RABGAP1L: variants seen among roughly 807,000 people sequenced by gnomAD.
RABGAP1L encodes RAB GTPase activating protein 1 like.
A neutral mutation model predicts 137.7 loss-of-function variants in RABGAP1L; 63 were observed. The observed-to-expected ratio is 0.46, with a 90% CI of 0.37 to 0.56. The LOEUF is 0.56. RABGAP1L is among the 20% of genes least tolerant of loss of function. The pLI, the probability that RABGAP1L is intolerant of heterozygous loss-of-function variation, is 0.00. For synonymous variants in RABGAP1L, 431 were observed against 433.7 expected (o/e 0.99, Z 0.08); for missense variants, 1,095 against 1,244.0 (o/e 0.88, Z 1.80).
At chr1:174,348,453 T>C (rs552814463) in intron 11 of RABGAP1L, among the ~76,000 whole-genome samples, 1 of 150,076 alleles carries the variant, frequency 6.7e-6, no homozygotes, top group African/African-American at 2.4e-5. Flanking sequence ...TATTTATTTA[T>C]TTATTTTTTT....
At chr1:174,517,168 A>G (rs990076396) in intron 13 of RABGAP1L, among the ~76,000 whole-genome samples, 1 of 152,108 alleles carries the variant, frequency 6.6e-6, no homozygotes, top group Non-Finnish European at 1.5e-5. Flanking sequence ...GATTATTAGC[A>G]TGAATGAGAT....
intron 13 of RABGAP1L, among the ~76,000 whole-genome samples, chr1:174,508,046 A>G (rs1225911105): frequency 6.6e-6 from 1 of 152,168 alleles, no homozygotes; most frequent in Non-Finnish European, 1.5e-5. Context: ...AAGTGAATAA[A>G]AAATTATATG....
intron 13 of RABGAP1L, among the ~76,000 whole-genome samples, chr1:174,510,113 C>T (rs1031001497): frequency 3.3e-5 from 5 of 152,202 alleles, no homozygotes; most frequent in African/African-American, 1.2e-4. Flanking sequence ...CCTTCGCTGC[C>T]TCTTAATCTA....
chr1:174,550,999 C>CACAT lies in RABGAP1L; in HGVS notation c.1711-86375_1711-86374insCATA, dbSNP rs1349225848. Among the ~76,000 whole-genome samples, 347 of 86,340 alleles carry CACAT rather than the reference C, an allele frequency of 4.0e-3. 28 individuals carry two copies. The highest frequency in any genetic ancestry group is 0.023 in the African/African-American group (283 of 12,052). 56.6% of individuals were successfully genotyped at this position (86,340 alleles called of 152,430 possible). A position where few individuals can be genotyped will look rare whatever the true frequency, so the allele number is the denominator to read the frequency against. On this transcript the variant is annotated intron_variant, in intron 13 of 25. Transcript: ENST00000681986. ...GTATATATACATATATATATATACA[C>CACAT]ATATATATATATATATATATATACA...
At chr1:174,260,879 G>T (rs1031255164) in intron 7 of RABGAP1L, among the ~76,000 whole-genome samples, 4 of 151,382 alleles carry the variant, frequency 2.6e-5, no homozygotes, top group African/African-American at 9.7e-5. Flanking sequence ...TTCAGTCTTT[G>T]CCATTAGTGC....
At chr1:174,517,061 C>A (rs897537168) in intron 13 of RABGAP1L, among the ~76,000 whole-genome samples, 2 of 151,876 alleles carry the variant, frequency 1.3e-5, no homozygotes, top group Non-Finnish European at 2.9e-5. Context: ...TGGAGCTCAT[C>A]AATTATTCCA....
At chr1:174,769,707 G>GC (rs1212668549) in intron 18 of RABGAP1L, among the ~76,000 whole-genome samples, 1 of 152,156 alleles carries the variant, frequency 6.6e-6, no homozygotes, top group African/African-American at 2.4e-5. Context: ...CAAGAAGTTA[G>GC]CCGGGCATGG....
At chr1:174,555,719 G>A (rs1047810910) in intron 13 of RABGAP1L, among the ~76,000 whole-genome samples, 1 of 152,116 alleles carries the variant, frequency 6.6e-6, no homozygotes, top group Non-Finnish European at 1.5e-5. Context: ...TAGTCTCAAA[G>A]GTGATGGAAT....
At chr1:174,365,276 A>G (rs1452630460) in intron 11 of RABGAP1L, 1 of 152,154 alleles carries the variant, frequency 6.6e-6, no homozygotes, top group Admixed American at 6.5e-5. Context: ...AACTTTCTTT[A>G]CATTCTCTTG....
intron 13 of RABGAP1L, among the ~76,000 whole-genome samples, chr1:174,626,362 G>C (rs950964996): frequency 7.9e-5 from 12 of 152,154 alleles, no homozygotes; most frequent in African/African-American, 2.9e-4. Context: ...ATTTTCCACT[G>C]GAATCCCAGC....
intron 13 of RABGAP1L, among the ~76,000 whole-genome samples, chr1:174,445,839 CA>C (rs2149243923): frequency 6.6e-6 from 1 of 152,282 alleles, no homozygotes; most frequent in African/African-American, 2.4e-5. Context: ...ATAATCTTTA[CA>C]AATGCTATAA....
At chr1:174,806,410 G>A (rs1283981023) in intron 18 of RABGAP1L, among the ~76,000 whole-genome samples, 1 of 151,992 alleles carries the variant, frequency 6.6e-6, no homozygotes, top group East Asian at 1.9e-4. Context: ...AACCAATCTG[G>A]GCAACATAGC....
chr1:174,274,744 C>G (rs942675548), intron 8 of RABGAP1L, among the ~76,000 whole-genome samples: 4 of 151,678 alleles, frequency 2.6e-5, no homozygotes, highest in Non-Finnish European at 4.4e-5. Context: ...TGCATGGTCC[C>G]TGCGCTCAAG....
chr1:174,534,775 CAAAAAAAAAAA>C (rs71117567), intron 13 of RABGAP1L, among the ~76,000 whole-genome samples: 27 of 71,616 alleles, frequency 3.8e-4, no homozygotes, highest in East Asian at 1.5e-3. Flanking sequence ...ACTCTGTCTC[CAAAAAAAAAAA>C]AAAAAAAAAA....
At chr1:174,922,122 T>C (rs1661913788) in intron 19 of RABGAP1L, 1 of 152,224 alleles carries the variant, frequency 6.6e-6, no homozygotes, top group Admixed American at 6.5e-5. Flanking sequence ...TGGTAGTGGT[T>C]GTAGGGCAGC....
At chr1:174,777,354 C>T (rs1310196884) in intron 18 of RABGAP1L, among the ~76,000 whole-genome samples, 1 of 152,104 alleles carries the variant, frequency 6.6e-6, no homozygotes, top group Non-Finnish European at 1.5e-5. Context: ...GCAGTTAATT[C>T]TTTGTTATAG....
Position 174,273,091 on chromosome 1 carries a change from C to T in RABGAP1L, c.1053+611C>T, listed in dbSNP as rs188348599. Among the ~76,000 whole-genome samples, 3 of 152,010 alleles carry T rather than the reference C, an allele frequency of 2.0e-5. No homozygotes were observed. In the East Asian group the frequency reaches 5.8e-4, roughly 29 times the overall value. On this transcript the variant is annotated intron_variant, in intron 8 of 25. Coordinates refer to ENST00000681986, the MANE Select transcript of RABGAP1L (RefSeq NM_001366446.1). ...AAACATTTAATTTGTGATTTGGAGA[C>T]GTTATAGGAAAATAATCATCTTAGA...
chr1:174,929,008 T>C lies in RABGAP1L; in HGVS notation c.2341-28449T>C, dbSNP rs371679349. On this transcript the variant is annotated intron_variant, in intron 19 of 25. Coordinates refer to ENST00000681986, the MANE Select transcript of RABGAP1L (RefSeq NM_001366446.1). The stretch of plus-strand genomic sequence containing the variant: ...TTATGTTCTCACTCATAGGTGGGAA[T>C]TGAACAATGATAACACTTGGACACA... 8.0e-4 allele frequency among the ~76,000 whole-genome samples: 121 copies of C among 152,122 alleles called. 5 individuals carry two copies. In the South Asian group the frequency reaches 0.025, roughly 31 times the overall value.
In RABGAP1L at chr1:174,285,714, G is replaced by A. The variant is rs534898482; in HGVS notation, c.1323+6935G>A. Among the ~76,000 whole-genome samples the A allele has an allele frequency of 1.1e-4, 17 of 152,240 alleles. No individual in the cohort carries two copies. In the South Asian group the frequency reaches 3.3e-3, roughly 30 times the overall value. On this transcript the variant is annotated intron_variant, in intron 10 of 25. Coordinates refer to ENST00000681986, the MANE Select transcript of RABGAP1L (RefSeq NM_001366446.1). Reference sequence around the variant, plus strand: ...GTTACTATTCACCTTTGAGAATGATGTTAGCTGTGGGCTTGTCATATATGG... The same window carrying A: ...GTTACTATTCACCTTTGAGAATGATATTAGCTGTGGGCTTGTCATATATGG...
Sources: allele counts gnomAD v4.1 joint callset (sites outside exome capture counted in the v4.1 genomes callset), GRCh38; gene constraint gnomAD v4.1.1; transcripts MANE v1.5; gene names NCBI Gene and HGNC (gene_info 2026-07-23, HGNC 2026-07-21).